Variants in WWP1 observed in about 807,000 individuals in gnomAD.
WWP1 encodes the protein NEDD4-like E3 ubiquitin-protein ligase WWP1.
In WWP1, 49 loss-of-function variants were observed where a neutral mutation model predicts 130.6. That is an observed-to-expected ratio of 0.38 (90% CI 0.30 to 0.48). WWP1 has a LOEUF of 0.48. WWP1 is among the 20% of genes least tolerant of loss of function. The probability of loss-of-function intolerance (pLI) is 0.99; values close to 1 mark genes in which losing one functional copy is unlikely to be tolerated. For synonymous variants in WWP1, 332 were observed against 367.8 expected, an observed-to-expected ratio of 0.90 and a Z score of 1.11; for missense variants, 809 against 1,100.6, an observed-to-expected ratio of 0.74 and a Z score of 3.75.
chr8:86,425,197 C>T (rs374006142), intron 9 of WWP1, 26 bp from the exon 10 acceptor site: 62 of 1,578,218 alleles, frequency 3.9e-5, no homozygotes, highest in Non-Finnish European at 5.1e-5. Context: ...TTGTCTCTTA[C>T]TGTTATTTTT....
intron 5 of WWP1, chr8:86,386,754 A>T (rs536226652): frequency 6.6e-6 from 1 of 152,204 alleles, no homozygotes; most frequent in Admixed American, 6.5e-5. Flanking sequence ...TTCCGTAGAT[A>T]CTGTCTTACT....
chr8:86,434,558 A>C (rs1191792386), intron 14 of WWP1, among the ~76,000 whole-genome samples: 1 of 152,002 alleles, frequency 6.6e-6, no homozygotes, highest in African/African-American at 2.4e-5. Context: ...ATCACTCCTT[A>C]TACTTTGTCC....
chr8:86,461,422 T>A, intron 23 of WWP1, 102 bp downstream of exon 23: 1 of 1,016,784 alleles, frequency 9.8e-7, no homozygotes, highest in Non-Finnish European at 1.5e-6. Context: ...TACTCTTCTG[T>A]GCTGTAGGTA....
chr8:86,443,894 G>T (rs1810722625), intron 18 of WWP1, among the ~76,000 whole-genome samples: 1 of 152,022 alleles, frequency 6.6e-6, no homozygotes, highest in Admixed American at 6.6e-5. Context: ...ATATGAGAGA[G>T]AATGTAATAG....
rs550466199 is a variant in WWP1, at chr8:86,388,433, C to T, written c.334+6804C>T. ...TTTTTGTAAGGATCAATTCTGGAAG[C>T]TCCTTGAGTATTTTCTTCATTGTTA... On this transcript the variant is annotated intron_variant, in intron 5 of 24. Coordinates refer to ENST00000517970, the MANE Select transcript of WWP1 (RefSeq NM_007013.4). Among the ~76,000 whole-genome samples the T allele has an allele frequency of 1.5e-3, 222 of 152,224 alleles. 7 individuals are homozygous for T. In the South Asian group the frequency reaches 0.043, roughly 30 times the overall value.
At chr8:86,460,943 G>A (rs957126231) in intron 22 of WWP1, among the ~76,000 whole-genome samples, 1 of 151,370 alleles carries the variant, frequency 6.6e-6, no homozygotes, top group Non-Finnish European at 1.5e-5. Context: ...TCGAGTAGCT[G>A]GGACTACAGG....
At position 86,430,829 on chromosome 8, in the gene WWP1, A is replaced by ATATATATATATATATG. The variant is rs1281641543; in HGVS notation, c.1387+81_1387+82insATATATATATATGTAT. ...TATATATATATATATATATATATATATATGTTCCTTATTTTATATATATAT... is the reference window on the plus strand; with the variant it reads ...TATATATATATATATATATATATATATATATATATATATATGTATGTTCCTTATTTTATATATATAT... On this transcript the variant is annotated intron_variant, in intron 12 of 24. Transcript: ENST00000517970. 2,002 of 535,736 alleles carry ATATATATATATATATG rather than the reference A, an allele frequency of 3.7e-3. 35 individuals are homozygous for ATATATATATATATATG. The highest frequency in any genetic ancestry group is 7.5e-3 in the African/African-American group (321 of 42,744). The allele number at this position is 535,736 out of a possible 1,614,324, so 33.2% of individuals were successfully genotyped here. A position where few individuals can be genotyped will look rare whatever the true frequency, so the allele number is the denominator to read the frequency against.
intron 22 of WWP1, among the ~76,000 whole-genome samples, chr8:86,458,289 A>G (rs988953911): frequency 1.3e-5 from 2 of 152,128 alleles, no homozygotes; most frequent in Admixed American, 6.5e-5. Context: ...AGGCGTAGCA[A>G]TTTTTTTCTA....
intron 9 of WWP1, among the ~76,000 whole-genome samples, chr8:86,414,996 T>C (rs1808812934): frequency 6.8e-6 from 1 of 146,068 alleles, no homozygotes; most frequent in East Asian, 2.1e-4. Flanking sequence ...GATGAGAAAG[T>C]GTTCTGTATT....
intron 1 of WWP1, 104 bp from the exon 2 acceptor site, chr8:86,368,835 A>G (rs1329399349): frequency 5.3e-5 from 8 of 152,108 alleles, no homozygotes; most frequent in African/African-American, 1.9e-4. Flanking sequence ...TTGATCCCTG[A>G]AGGCTGGATT....
intron 8 of WWP1, among the ~76,000 whole-genome samples, chr8:86,407,932 A>G (rs1329362247): frequency 1.3e-5 from 2 of 152,192 alleles, no homozygotes; most frequent in African/African-American, 4.8e-5. Flanking sequence ...ACCTTATATT[A>G]ACTAATGTTC....
At chr8:86,441,891 A>G (rs1477603518) in intron 17 of WWP1, among the ~76,000 whole-genome samples, 1 of 152,130 alleles carries the variant, frequency 6.6e-6, no homozygotes, top group East Asian at 1.9e-4. Context: ...ATTGAAAAGA[A>G]CCTTTTAGAG....
intron 5 of WWP1, among the ~76,000 whole-genome samples, chr8:86,396,307 G>T (rs1274378764): frequency 6.6e-6 from 1 of 152,076 alleles, no homozygotes; most frequent in African/African-American, 2.4e-5. Flanking sequence ...CACCACGTTG[G>T]CCAGGATGGT....
At chr8:86,357,398 T>C (rs1371426733) in intron 1 of WWP1, among the ~76,000 whole-genome samples, 1 of 152,168 alleles carries the variant, frequency 6.6e-6, no homozygotes, top group Non-Finnish European at 1.5e-5. Context: ...ATGATAACTT[T>C]AAGGGGAAAA....
At chr8:86,380,690 C>A in intron 3 of WWP1, 36 bp from the exon 4 acceptor site, 1 of 1,571,580 alleles carries the variant, frequency 6.4e-7, no homozygotes. Flanking sequence ...TACTTTTTGG[C>A]AACACATACT....
chr8:86,425,747 A>G (rs1809586529), intron 10 of WWP1, among the ~76,000 whole-genome samples: 1 of 152,238 alleles, frequency 6.6e-6, no homozygotes, highest in Non-Finnish European at 1.5e-5. Context: ...AAAGATTGCC[A>G]TGAGTGAACT....
At chr8:86,423,613 T>C (rs1481643328) in intron 9 of WWP1, among the ~76,000 whole-genome samples, 1 of 152,176 alleles carries the variant, frequency 6.6e-6, no homozygotes, top group Non-Finnish European at 1.5e-5. Flanking sequence ...GAGTCTCCTA[T>C]GTCTACTTCT....
At chr8:86,369,860 A>AC (rs1824183816) in intron 2 of WWP1, among the ~76,000 whole-genome samples, 1 of 152,160 alleles carries the variant, frequency 6.6e-6, no homozygotes, top group African/African-American at 2.4e-5. Context: ...TTAGTGATTT[A>AC]TACTTTACTG....
chr8:86,344,326 A>T (rs909255327), intron 1 of WWP1, among the ~76,000 whole-genome samples: 9 of 152,226 alleles, frequency 5.9e-5, no homozygotes, highest in African/African-American at 2.2e-4. Context: ...AAAAGCAATA[A>T]TTATGAGCTA....
Sources: allele counts gnomAD v4.1 joint callset (sites outside exome capture counted in the v4.1 genomes callset), GRCh38; gene constraint gnomAD v4.1.1; transcripts MANE v1.5; gene names NCBI Gene and HGNC (gene_info 2026-07-23, HGNC 2026-07-21).